RNF150: variants seen among roughly 807,000 people sequenced by gnomAD.
The protein encoded by RNF150 is ring finger protein 150.
In RNF150, 24 loss-of-function variants were observed where a neutral mutation model predicts 39.3. That is an observed-to-expected ratio of 0.61 (90% CI 0.44 to 0.86). The LOEUF (loss-of-function observed/expected upper bound fraction) is 0.86, where lower values mean the gene tolerates loss of function less well. Ranked by LOEUF, RNF150 falls within the 40% of genes least tolerant of loss-of-function variation. RNF150 has a pLI of 0.00. For synonymous variants in RNF150, 255 were observed against 227.3 expected, an observed-to-expected ratio of 1.12 and a Z score of -1.10; for missense variants, 502 against 587.8, an observed-to-expected ratio of 0.85 and a Z score of 1.51.
At chr4:140,876,299 T>C (rs1729153338) in intron 6 of RNF150, among the ~76,000 whole-genome samples, 2 of 152,238 alleles carry the variant, frequency 1.3e-5, no homozygotes, top group Admixed American at 6.5e-5. Context: ...CATCTCAGAA[T>C]GTGAAACTCC....
intron 1 of RNF150, among the ~76,000 whole-genome samples, chr4:141,186,531 T>C (rs1408967141): frequency 6.6e-6 from 1 of 152,028 alleles, no homozygotes; most frequent in Non-Finnish European, 1.5e-5. Flanking sequence ...CCCAAGTAGC[T>C]GGGACTACAG....
upstream of RNF150, among the ~76,000 whole-genome samples, chr4:141,137,059 A>G (rs1025148591): frequency 9.9e-5 from 15 of 152,196 alleles, no homozygotes; most frequent in Non-Finnish European, 1.6e-4. Context: ...CTGAGGCAAG[A>G]TTGTATTTGA....
At chr4:140,961,590 T>C (rs779535548) in intron 2 of RNF150, among the ~76,000 whole-genome samples, 12 of 152,158 alleles carry the variant, frequency 7.9e-5, no homozygotes, top group Non-Finnish European at 1.5e-4. Context: ...GCTATAACTT[T>C]CTGTTGAATG....
At chr4:141,061,103 G>A (rs559860182) in intron 1 of RNF150, among the ~76,000 whole-genome samples, 4 of 151,746 alleles carry the variant, frequency 2.6e-5, no homozygotes, top group East Asian at 1.9e-4. Flanking sequence ...AAAACTGCAC[G>A]TTCTGCACAT....
chr4:140,912,331 A>G (rs1425440), intron 5 of RNF150, among the ~76,000 whole-genome samples: 56,010 of 152,100 alleles, frequency 0.37, 11,099 homozygotes, highest in Non-Finnish European at 0.45. Context: ...GTGGAGGAAT[A>G]TTGTCTTAAG....
chr4:141,012,527 T>G (rs58128843), intron 1 of RNF150, among the ~76,000 whole-genome samples: 11,540 of 152,062 alleles, frequency 0.076, 481 homozygotes, highest in Middle Eastern at 0.16. Context: ...ACCGGACGTG[T>G]TGGCTCATGC....
At chr4:141,160,549 T>A (rs1466559539) in intron 1 of RNF150, among the ~76,000 whole-genome samples, 1 of 152,200 alleles carries the variant, frequency 6.6e-6, no homozygotes, top group African/African-American at 2.4e-5. Context: ...ATGGTTTGGA[T>A]CTCTATCCTT....
At chr4:140,915,247 C>T (rs1730771273) in intron 5 of RNF150, among the ~76,000 whole-genome samples, 2 of 152,158 alleles carry the variant, frequency 1.3e-5, no homozygotes, top group African/African-American at 2.4e-5. Context: ...AAATGGAATA[C>T]ATGGAACATA....
intron 1 of RNF150, among the ~76,000 whole-genome samples, chr4:141,083,955 A>G (rs1393681269): frequency 6.6e-6 from 1 of 152,220 alleles, no homozygotes; most frequent in Non-Finnish European, 1.5e-5. Flanking sequence ...TCCCAATCCT[A>G]TGTCTGTACA....
At chr4:141,205,775 A>C (rs1301350163) in intron 1 of RNF150, among the ~76,000 whole-genome samples, 2 of 152,176 alleles carry the variant, frequency 1.3e-5, no homozygotes, top group Non-Finnish European at 2.9e-5. Flanking sequence ...TCTCTATCTC[A>C]GAGGAGGATT....
At chr4:141,089,154 C>A (rs1289487531) in intron 1 of RNF150, among the ~76,000 whole-genome samples, 1 of 152,116 alleles carries the variant, frequency 6.6e-6, no homozygotes, top group African/African-American at 2.4e-5. Flanking sequence ...ACTCCAGAAA[C>A]CTCAAGACAG....
At chr4:141,005,446 T>A (rs1260448912) in intron 1 of RNF150, among the ~76,000 whole-genome samples, 1 of 151,820 alleles carries the variant, frequency 6.6e-6, no homozygotes, top group Non-Finnish European at 1.5e-5. Flanking sequence ...TACAGATGAG[T>A]CAGAAAAGAT....
intron 1 of RNF150, among the ~76,000 whole-genome samples, chr4:141,029,455 TAAATC>T (rs1461406060): frequency 1.1e-4 from 17 of 152,232 alleles, no homozygotes; most frequent in Admixed American, 3.3e-4. Context: ...ATGAAGAACT[TAAATC>T]AGAGTGTACT....
Position 141,132,510 on chromosome 4 carries a change from A to G in RNF150, c.299T>C (p.Leu100Pro), listed in dbSNP as rs1726923298. 3.7e-6 allele frequency: 6 copies of G among 1,604,638 alleles called. No individual in the cohort carries two copies. Among genetic ancestry groups the G allele is most frequent in the South Asian group, 2.2e-5 (2 of 88,910 alleles). The change falls in exon 1 of 7, where the codon CTG (leucine) becomes CCG (proline). Residue 100 changes from leucine (L) to proline (P), a missense_variant. Coordinates refer to ENST00000515673, the MANE Select transcript of RNF150 (RefSeq NM_020724.2). This position sits in a 1 kb window ranked among gnomAD's most constrained non-coding sequence, Gnocchi z 4.9. Reference protein sequence around the residue: ...VVMASSAHDRLACDPNTKFAA... With the variant: ...VVMASSAHDRPACDPNTKFAA... ...GAACTTGGTGTTGGGGTCGCAGGCCAGGCGGTCGTGGGCCGAGCTGGCCAT... is the reference window on the plus strand; with the variant it reads ...GAACTTGGTGTTGGGGTCGCAGGCCGGGCGGTCGTGGGCCGAGCTGGCCAT...
intron 1 of RNF150, among the ~76,000 whole-genome samples, chr4:141,118,886 G>A (rs1316435969): frequency 2.0e-5 from 3 of 151,806 alleles, no homozygotes; most frequent in Non-Finnish European, 2.9e-5. Flanking sequence ...TCAGCCTCCC[G>A]GGTAGCTGGG....
At chr4:141,008,508 T>G (rs974650528) in intron 1 of RNF150, among the ~76,000 whole-genome samples, 1 of 152,234 alleles carries the variant, frequency 6.6e-6, no homozygotes, top group Non-Finnish European at 1.5e-5. Flanking sequence ...TTACAAAATA[T>G]ACACCTATGC....
At chr4:141,005,282 G>C (rs1218941443) in intron 1 of RNF150, among the ~76,000 whole-genome samples, 1 of 152,232 alleles carries the variant, frequency 6.6e-6, no homozygotes, top group Non-Finnish European at 1.5e-5. Flanking sequence ...CTGTAGAGAA[G>C]CTCAGGAGGG....
intron 1 of RNF150, among the ~76,000 whole-genome samples, chr4:140,975,334 T>A (rs1441432097): frequency 6.6e-6 from 1 of 152,200 alleles, no homozygotes; most frequent in African/African-American, 2.4e-5. Flanking sequence ...TTTTGGGGAT[T>A]CTGCAGAGCT....
At chr4:141,196,728 T>C (rs1268247188) in intron 1 of RNF150, among the ~76,000 whole-genome samples, 3 of 152,240 alleles carry the variant, frequency 2.0e-5, no homozygotes, top group African/African-American at 4.8e-5. Context: ...TAGTTGGCCT[T>C]GACTTCTTGC....
Sources: allele counts gnomAD v4.1 joint callset (sites outside exome capture counted in the v4.1 genomes callset), GRCh38; gene constraint gnomAD v4.1.1; non-coding constraint Gnocchi (gnomAD v3.1); transcripts MANE v1.5; gene names NCBI Gene and HGNC (gene_info 2026-07-23, HGNC 2026-07-21).